Variants in CNOT2 observed in about 807,000 individuals in gnomAD.
CNOT2 encodes CC chemokine receptor 4-negative regulator of transcription 2.
CNOT2 carries 7 observed loss-of-function variants against 72.1 expected under a neutral mutation model. The ratio of observed to expected loss-of-function variants is 0.10; its 90% confidence interval spans 0.06 to 0.18. The LOEUF is 0.18. CNOT2 is among the 10% of genes least tolerant of loss of function. The pLI, the probability that CNOT2 is intolerant of heterozygous loss-of-function variation, is 1.00. For missense variants in CNOT2, 345 were observed against 660.3 expected (o/e 0.52, Z 5.23); for synonymous variants, 196 against 225.6 (o/e 0.87, Z 1.17).
intron 3 of CNOT2, among the ~76,000 whole-genome samples, chr12:70,318,022 C>G (rs1313251613): frequency 6.6e-6 from 1 of 151,888 alleles, no homozygotes; most frequent in Non-Finnish European, 1.5e-5. Context: ...ACCTCCTTTT[C>G]CCGTTATACC....
At chr12:70,305,768 C>G (rs1875185132) in intron 2 of CNOT2, among the ~76,000 whole-genome samples, 1 of 151,948 alleles carries the variant, frequency 6.6e-6, no homozygotes. Flanking sequence ...TATCTTCAGG[C>G]CTGCCTCTTA....
At chr12:70,320,432 C>A (rs911387193) in intron 4 of CNOT2, among the ~76,000 whole-genome samples, 33 of 151,526 alleles carry the variant, frequency 2.2e-4, no homozygotes, top group African/African-American at 7.7e-4. Flanking sequence ...TGTGGCTTTT[C>A]TCTTTTTTGC....
intron 1 of CNOT2, among the ~76,000 whole-genome samples, chr12:70,269,566 A>G (rs760763366): frequency 2.0e-5 from 3 of 152,220 alleles, no homozygotes; most frequent in African/African-American, 4.8e-5. Flanking sequence ...GTCTACTGGT[A>G]TATAGTATTA....
chr12:70,296,058 T>C (rs1872747295), intron 2 of CNOT2, among the ~76,000 whole-genome samples: 1 of 152,094 alleles, frequency 6.6e-6, no homozygotes, highest in Non-Finnish European at 1.5e-5. Flanking sequence ...TCAGAATATT[T>C]TCTGAATAAA....
chr12:70,304,985 A>G (rs1874971429), intron 2 of CNOT2, among the ~76,000 whole-genome samples: 1 of 152,232 alleles, frequency 6.6e-6, no homozygotes, highest in Admixed American at 6.5e-5. Flanking sequence ...GGTGCGGGAT[A>G]TAATCTGGTG....
At chr12:70,340,107 C>T (rs539684216) in intron 11 of CNOT2, among the ~76,000 whole-genome samples, 4 of 152,124 alleles carry the variant, frequency 2.6e-5, no homozygotes, top group Admixed American at 6.5e-5. Context: ...TCCATTTCTC[C>T]GACTTGGTCT....
At chr12:70,253,819 C>T (rs1394425364) in intron 1 of CNOT2, among the ~76,000 whole-genome samples, 2 of 152,010 alleles carry the variant, frequency 1.3e-5, no homozygotes, top group African/African-American at 4.8e-5. Context: ...GTTCTGAGAC[C>T]CCAGTGGATG....
chr12:70,299,342 T>A (rs577402962), intron 2 of CNOT2, among the ~76,000 whole-genome samples: 1 of 152,086 alleles, frequency 6.6e-6, no homozygotes, highest in South Asian at 2.1e-4. Context: ...CATTTAGCAT[T>A]AGGTATAGCT....
chr12:70,322,744 A>G (rs902694964), intron 4 of CNOT2: 4 of 151,780 alleles, frequency 2.6e-5, no homozygotes, highest in African/African-American at 4.8e-5. Context: ...TGTGAAAGCT[A>G]CTTGTTTCAT....
intron 3 of CNOT2, among the ~76,000 whole-genome samples, chr12:70,314,964 A>G (rs1229619733): frequency 3.9e-5 from 6 of 152,070 alleles, no homozygotes; most frequent in Non-Finnish European, 8.8e-5. Context: ...CCTGGGTTCA[A>G]GTGATTCTCC....
chr12:70,328,017 G>A (rs779204196), intron 4 of CNOT2, among the ~76,000 whole-genome samples: 6 of 151,820 alleles, frequency 4.0e-5, no homozygotes, highest in Admixed American at 6.6e-5. Context: ...CAAAACTTAC[G>A]GTGACTGTAG....
chr12:70,254,947 C>T (rs964600578), intron 1 of CNOT2, among the ~76,000 whole-genome samples: 7 of 141,310 alleles, frequency 5.0e-5, no homozygotes, highest in Non-Finnish European at 1.1e-4. Context: ...TGCCAGTGTA[C>T]ACCAGCCTGG....
Position 70,345,858 on chromosome 12 carries a change from C to CAA in CNOT2, c.1392-321_1392-320insAA, listed in dbSNP as rs1248072172. 3 of 188,996 alleles carry CAA rather than the reference C, an allele frequency of 1.6e-5. No homozygotes were observed. The South Asian group carries it at 4.3e-4, about 27-fold the overall frequency. The allele number at this position is 188,996 out of a possible 1,614,324, so 11.7% of individuals were successfully genotyped here. On this transcript the variant is annotated intron_variant, in intron 14 of 15. Transcript: ENST00000229195. ...AGAAAGGAGTGAAGTTTTTGCAACA[C>CAA]ATTGTGTCTTTATTTGGTCTGCCTA... is the stretch of plus-strand genomic sequence containing the variant.
In CNOT2 at chr12:70,283,653, A is replaced by C. The variant is rs202015025; in HGVS notation, c.48+5379A>C. On this transcript the variant is annotated intron_variant, in intron 2 of 15. Transcript: ENST00000229195. ...CCTAATGAAAGAATGAGTTTAAAAAAAAAAAAAAAAAAAAGGAAAAAAGCC... is the reference window on the plus strand; with the variant it reads ...CCTAATGAAAGAATGAGTTTAAAAACAAAAAAAAAAAAAAGGAAAAAAGCC... Among the ~76,000 whole-genome samples the C allele has an allele frequency of 7.2e-3, 963 of 133,146 alleles. 7 individuals carry two copies. The highest frequency in any genetic ancestry group is 0.024 in the African/African-American group (891 of 37,904). The allele number at this position is 133,146 out of a possible 152,430, so 87.3% of individuals were successfully genotyped here.
chr12:70,290,429 C>T (rs777891398), intron 2 of CNOT2, among the ~76,000 whole-genome samples: 1 of 152,090 alleles, frequency 6.6e-6, no homozygotes, highest in Admixed American at 6.5e-5. Context: ...GATTGCTGGG[C>T]TCCACCAATC....
intron 2 of CNOT2, among the ~76,000 whole-genome samples, chr12:70,288,348 C>T (rs1178350411): frequency 6.6e-6 from 1 of 151,820 alleles, no homozygotes; most frequent in East Asian, 1.9e-4. Flanking sequence ...GGTTTCACCA[C>T]ATTGGCCAGG....
At chr12:70,304,425 G>A (rs1020046646) in intron 2 of CNOT2, among the ~76,000 whole-genome samples, 1 of 152,194 alleles carries the variant, frequency 6.6e-6, no homozygotes, top group African/African-American at 2.4e-5. Context: ...CTAACAGCCA[G>A]GACCCTCAGC....
chr12:70,330,587 T>C (rs1490212655), intron 6 of CNOT2, 118 bp downstream of exon 6: 2 of 551,550 alleles, frequency 3.6e-6, no homozygotes, highest in Non-Finnish European at 6.2e-6. Context: ...TGTTTCATCA[T>C]GCATTTATGT....
At position 70,300,846 on chromosome 12, in the gene CNOT2, G is replaced by C. The variant is rs12372703; in HGVS notation, c.49-10049G>C. 7.2e-3 allele frequency among the ~76,000 whole-genome samples: 1,099 copies of C among 152,190 alleles called. 3 individuals are homozygous for C. Among genetic ancestry groups the C allele is most frequent in the Non-Finnish European group, 0.012 (786 of 67,976 alleles). On this transcript the variant is annotated intron_variant, in intron 2 of 15. Transcript: ENST00000229195. Reference sequence around the variant, plus strand: ...TTTTCACGATATTGATTCTTCCTACGTATGAGCATGGAATGTTCTTCCATT... The same window carrying C: ...TTTTCACGATATTGATTCTTCCTACCTATGAGCATGGAATGTTCTTCCATT...
Sources: gnomAD v4.1 joint callset for allele counts (sites outside exome capture counted in the v4.1 genomes callset) on GRCh38, gnomAD v4.1.1 for gene constraint, MANE v1.5 for transcripts, NCBI Gene and HGNC (gene_info 2026-07-23, HGNC 2026-07-21) for gene names.